TLN2: variants seen among roughly 807,000 people sequenced by gnomAD.
The protein encoded by TLN2 is talin-2.
Under a neutral mutation model 294.7 loss-of-function variants are expected in TLN2, and 118 were observed. The ratio of observed to expected loss-of-function variants is 0.40; its 90% CI spans 0.34 to 0.47. The LOEUF (loss-of-function observed/expected upper bound fraction) is 0.47, where lower values mean the gene tolerates loss of function less well. Ranked by LOEUF, TLN2 falls within the 20% of genes least tolerant of loss-of-function variation. The pLI, the probability that TLN2 is intolerant of heterozygous loss-of-function variation, is 0.84. For synonymous variants in TLN2, 1,431 were observed against 1,304.5 expected (o/e 1.10, Z -2.09); for missense variants, 3,083 against 3,282.2 (o/e 0.94, Z 1.48).
chr15:62,559,078 A>G (rs909359876), intron 1 of TLN2, among the ~76,000 whole-genome samples: 5 of 152,186 alleles, frequency 3.3e-5, no homozygotes, highest in Non-Finnish European at 7.3e-5. Flanking sequence ...GTGAATGAAC[A>G]TCCACTTTCC....
At chr15:62,436,369 G>A (rs1013698789) in intron 1 of TLN2, among the ~76,000 whole-genome samples, 2 of 152,230 alleles carry the variant, frequency 1.3e-5, no homozygotes, top group African/African-American at 4.8e-5. Flanking sequence ...CTGTGCGGGA[G>A]GACCTGGTGT....
chr15:62,520,580 A>G (rs2040406728), intron 1 of TLN2, among the ~76,000 whole-genome samples: 1 of 152,248 alleles, frequency 6.6e-6, no homozygotes, highest in Non-Finnish European at 1.5e-5. Flanking sequence ...TCTGTTGGCA[A>G]CGGGACACTA....
chr15:62,574,391 C>T (rs996292179), intron 1 of TLN2, among the ~76,000 whole-genome samples: 3 of 151,444 alleles, frequency 2.0e-5, no homozygotes, highest in Non-Finnish European at 4.4e-5. Flanking sequence ...GCCCAAGCAA[C>T]ATAGCTAGAC....
At chr15:62,497,095 TC>T (rs1343817480) in intron 1 of TLN2, among the ~76,000 whole-genome samples, 1 of 152,206 alleles carries the variant, frequency 6.6e-6, no homozygotes, top group Non-Finnish European at 1.5e-5. Context: ...TGTTGACATT[TC>T]TGACACCCGT....
Position 62,712,047 on chromosome 15 carries a change from C to G in TLN2, c.2604C>G (p.Asp868Glu). 1 of 1,614,174 alleles carries G rather than the reference C, an allele frequency of 6.2e-7. No individual in the cohort carries two copies. Among genetic ancestry groups the G allele is most frequent in the Non-Finnish European group, 8.5e-7 (1 of 1,180,002 alleles). ...TGGCAGCAGCAAAACTCTTAGCTGA[C>G]TCCACTGCTCGCATGGTGGAAGCTG... is the stretch of plus-strand genomic sequence containing the variant. Reference protein sequence around the residue: ...KLLAAAKLLADSTARMVEAAK... With the variant: ...KLLAAAKLLAESTARMVEAAK... Residue 868 changes from aspartate (D) to glutamate (E), a missense_variant, in exon 22 of 59, where the codon GAC (aspartate) becomes GAG (glutamate). Asp to Glu is a conservative substitution (Grantham distance 45). Transcript: ENST00000636159.
chr15:62,781,075 G>A lies in TLN2; in HGVS notation c.5515-65G>A, dbSNP rs192841516. The A allele has an allele frequency of 9.5e-6, 12 of 1,264,028 alleles. No homozygotes were observed. The East Asian group carries it at 1.4e-4, about 15-fold the overall frequency. 78.3% of individuals were successfully genotyped at this position (1,264,028 alleles called of 1,614,324 possible). On this transcript the variant is annotated intron_variant, in intron 43 of 58. Transcript: ENST00000636159. Reference sequence around the variant, plus strand: ...CTGTTTTTCAAAGTTCCTAATTCTCGTAAATACAGTCTACACTTCAGCAGG... The same window carrying A: ...CTGTTTTTCAAAGTTCCTAATTCTCATAAATACAGTCTACACTTCAGCAGG...
chr15:62,686,255 A>G (rs2141041883), intron 11 of TLN2, among the ~76,000 whole-genome samples: 1 of 152,380 alleles, frequency 6.6e-6, no homozygotes, highest in African/African-American at 2.4e-5. Context: ...AGTTAATTTT[A>G]AATCTCAGAT....
At chr15:62,710,140 T>C (rs932532565) in intron 21 of TLN2, among the ~76,000 whole-genome samples, 14 of 152,232 alleles carry the variant, frequency 9.2e-5, no homozygotes, top group African/African-American at 2.9e-4. Context: ...AATGGACATT[T>C]AGTTTTTTTG....
At chr15:62,448,118 C>CATGG (rs1258143700) in intron 1 of TLN2, among the ~76,000 whole-genome samples, 1 of 152,182 alleles carries the variant, frequency 6.6e-6, no homozygotes, top group Non-Finnish European at 1.5e-5. Flanking sequence ...GCAGAAGCAG[C>CATGG]ATGGCTCTGA....
intron 1 of TLN2, among the ~76,000 whole-genome samples, chr15:62,508,299 C>A (rs2039738768): frequency 6.6e-6 from 1 of 152,134 alleles, no homozygotes; most frequent in African/African-American, 2.4e-5. Flanking sequence ...TCACTGCAAC[C>A]TTCGCCTCCC....
chr15:62,828,257 C>T (rs1428510107), intron 54 of TLN2: 1 of 152,222 alleles, frequency 6.6e-6, no homozygotes, highest in Non-Finnish European at 1.5e-5. Flanking sequence ...ACCAAAAAGC[C>T]CAGGTAGGGA....
In TLN2 at chr15:62,692,820, C is replaced by A. The variant is rs1048785654; in HGVS notation, c.1114-20C>A. 5 of 1,602,160 alleles carry A rather than the reference C, an allele frequency of 3.1e-6. No homozygotes were observed. The Admixed American group carries it at 6.7e-5, about 21-fold the overall frequency. ...GATATATCTGATTTGGCTATATTTC[C>A]TCCATTGCTGTCTTTTCAGGATTTT... On this transcript the variant is annotated intron_variant, in intron 12 of 58. Transcript: ENST00000636159.
intron 9 of TLN2, among the ~76,000 whole-genome samples, chr15:62,673,239 A>G (rs1019880713): frequency 6.9e-6 from 1 of 145,010 alleles, no homozygotes; most frequent in African/African-American, 2.5e-5. Flanking sequence ...TACTTGACAT[A>G]ATTATTCTTC....
intron 33 of TLN2, 42 bp downstream of exon 33, chr15:62,748,486 T>A (rs2061736100): frequency 7.1e-7 from 1 of 1,413,536 alleles, no homozygotes; most frequent in Non-Finnish European, 1.0e-6. Flanking sequence ...AGAGAGGGAG[T>A]GTCTGTGTCT....
chr15:62,536,555 G>T (rs2041363726), intron 1 of TLN2, among the ~76,000 whole-genome samples: 1 of 152,146 alleles, frequency 6.6e-6, no homozygotes, highest in Admixed American at 6.5e-5. Context: ...GAATCCTGCC[G>T]ATCTTGACAG....
chr15:62,665,816 C>T (rs2054561679), intron 9 of TLN2, among the ~76,000 whole-genome samples: 1 of 152,192 alleles, frequency 6.6e-6, no homozygotes, highest in African/African-American at 2.4e-5. Flanking sequence ...AGTTGGTCAT[C>T]TGTGTGTGCT....
chr15:62,488,868 A>C (rs537957105), intron 1 of TLN2, among the ~76,000 whole-genome samples: 13 of 152,344 alleles, frequency 8.5e-5, no homozygotes, highest in South Asian at 4.1e-4. Context: ...GAATGGTTAA[A>C]TATATAAATA....
Position 62,697,795 on chromosome 15 carries a change from A to T in TLN2, c.1400A>T (p.Asn467Ile). Residue 467 changes from asparagine to isoleucine, a missense_variant, in exon 15 of 59, where the codon AAC becomes ATC. Coordinates refer to ENST00000636159, the MANE Select transcript of TLN2 (RefSeq NM_015059.3). Reference sequence around the variant, plus strand: ...GGCTCCAGCGGGCCTGAGACCTTCAACGTTGGCAGCATGCCCTCGCCACAG... The same window carrying T: ...GGCTCCAGCGGGCCTGAGACCTTCATCGTTGGCAGCATGCCCTCGCCACAG... Reference protein sequence around the residue: ...RSGSSGPETFNVGSMPSPQQQ... With the variant: ...RSGSSGPETFIVGSMPSPQQQ... The T allele has an allele frequency of 1.2e-6, 2 of 1,612,708 alleles. No homozygotes were observed. Among genetic ancestry groups the T allele is most frequent in the Non-Finnish European group, 1.7e-6 (2 of 1,179,666 alleles).
chr15:62,474,699 C>T lies in TLN2; in HGVS notation c.-238+84014C>T, dbSNP rs191921068. Among the ~76,000 whole-genome samples, 160 of 152,204 alleles carry T rather than the reference C, an allele frequency of 1.1e-3. 2 individuals are homozygous for T. The highest frequency in any genetic ancestry group is 5.6e-3 in the East Asian group (29 of 5,176). ...TAGTGTTTTGTTTTTTAAATGGACCCTGAGGCTGTTGACGATTCCTTGAAA... is the reference window on the plus strand; with the variant it reads ...TAGTGTTTTGTTTTTTAAATGGACCTTGAGGCTGTTGACGATTCCTTGAAA... On this transcript the variant is annotated intron_variant, in intron 1 of 58. Coordinates refer to ENST00000636159, the MANE Select transcript of TLN2 (RefSeq NM_015059.3).
Sources: allele counts gnomAD v4.1 joint callset (sites outside exome capture counted in the v4.1 genomes callset), GRCh38; gene constraint gnomAD v4.1.1; transcripts MANE v1.5; gene names NCBI Gene and HGNC (gene_info 2026-07-23, HGNC 2026-07-21).